FAF1: variants seen among roughly 807,000 people sequenced by gnomAD.
The protein encoded by FAF1 is FAS-associated factor 1.
FAF1 carries 25 observed loss-of-function variants against 92.5 expected under a neutral mutation model. That is an observed-to-expected ratio of 0.27 (90% CI 0.20 to 0.38). The LOEUF is 0.38. FAF1 is among the 10% of genes least tolerant of loss of function. The pLI, the probability that FAF1 is intolerant of heterozygous loss-of-function variation, is 1.00. For synonymous variants in FAF1, 234 were observed against 273.2 expected (o/e 0.86, Z 1.42); for missense variants, 636 against 793.3 (o/e 0.80, Z 2.38).
At chr1:50,510,678 A>G (rs1647123789) in intron 15 of FAF1, among the ~76,000 whole-genome samples, 1 of 152,226 alleles carries the variant, frequency 6.6e-6, no homozygotes, top group African/African-American at 2.4e-5. Context: ...CTTAAACTGT[A>G]AACACATTTC....
intron 2 of FAF1, 54 bp downstream of exon 2, chr1:50,857,875 A>G: frequency 9.0e-7 from 1 of 1,106,458 alleles, no homozygotes; most frequent in Non-Finnish European, 1.3e-6. Context: ...AATTAAAGAC[A>G]TTCAAGAATT....
At chr1:50,670,250 TTTTG>T (rs938811889) in intron 7 of FAF1, among the ~76,000 whole-genome samples, 5 of 152,252 alleles carry the variant, frequency 3.3e-5, no homozygotes, top group Admixed American at 1.3e-4. Flanking sequence ...TTTTGTATTT[TTTTG>T]TTTGTTTGTT....
At chr1:50,954,486 G>C (rs577103419) in intron 1 of FAF1, among the ~76,000 whole-genome samples, 52 of 150,842 alleles carry the variant, frequency 3.4e-4, no homozygotes, top group Non-Finnish European at 6.0e-4. Flanking sequence ...GACCAGCCTG[G>C]AAAACGTAAC....
chr1:50,892,224 G>A (rs928408614), intron 1 of FAF1, among the ~76,000 whole-genome samples: 67 of 152,172 alleles, frequency 4.4e-4, no homozygotes, highest in Non-Finnish European at 2.1e-4. Flanking sequence ...GTATTAGGGT[G>A]GGAGTGACCC....
chr1:50,764,128 A>G (rs1276904000), intron 4 of FAF1, among the ~76,000 whole-genome samples: 1 of 152,066 alleles, frequency 6.6e-6, no homozygotes, highest in Non-Finnish European at 1.5e-5. Context: ...CTGAAAAATT[A>G]TTTTTCATTA....
At chr1:50,633,167 C>T (rs1029910059) in intron 8 of FAF1, among the ~76,000 whole-genome samples, 1 of 152,170 alleles carries the variant, frequency 6.6e-6, no homozygotes, top group African/African-American at 2.4e-5. Context: ...TTGGATGGAA[C>T]AGCCAGCAGG....
chr1:50,771,659 G>A (rs555713419), intron 4 of FAF1, among the ~76,000 whole-genome samples: 1 of 152,118 alleles, frequency 6.6e-6, no homozygotes, highest in African/African-American at 2.4e-5. Context: ...CCAGCACTTT[G>A]GGAGGCCGAG....
At chr1:50,612,247 C>T (rs1216294929) in intron 8 of FAF1, 1 of 492,138 alleles carries the variant, frequency 2.0e-6, no homozygotes, top group African/African-American at 2.1e-5. Context: ...CTTATCAAAA[C>T]AAGCCCTTTG....
intron 8 of FAF1, among the ~76,000 whole-genome samples, chr1:50,649,629 T>C (rs924519092): frequency 2.0e-5 from 3 of 151,882 alleles, no homozygotes; most frequent in South Asian, 2.1e-4. Context: ...ATGACAGAAA[T>C]ACAGAAGAGC....
At chr1:50,951,901 G>T (rs1645216805) in intron 1 of FAF1, among the ~76,000 whole-genome samples, 1 of 152,138 alleles carries the variant, frequency 6.6e-6, no homozygotes, top group South Asian at 2.1e-4. Flanking sequence ...AACTAAAAAA[G>T]AAAGAAGTGG....
At chr1:50,455,419 A>G (rs906788216) in intron 18 of FAF1, among the ~76,000 whole-genome samples, 8 of 152,232 alleles carry the variant, frequency 5.3e-5, no homozygotes, top group African/African-American at 1.7e-4. Flanking sequence ...TGGCTTATAG[A>G]AGCCTCCAGC....
chr1:50,755,889 C>G (rs1466829908), intron 4 of FAF1, among the ~76,000 whole-genome samples: 1 of 152,214 alleles, frequency 6.6e-6, no homozygotes, highest in Admixed American at 6.5e-5. Flanking sequence ...AGCTGGGATG[C>G]AAGGCACCAA....
At chr1:50,491,689 TC>T in intron 16 of FAF1, 31 bp downstream of exon 16, 1 of 1,507,152 alleles carries the variant, frequency 6.6e-7, no homozygotes. Context: ...ACAATTGAGT[TC>T]TTTATCCCAG....
chr1:50,922,116 G>A (rs1161304940), intron 1 of FAF1, among the ~76,000 whole-genome samples: 1 of 148,226 alleles, frequency 6.7e-6, no homozygotes, highest in Admixed American at 6.9e-5. Context: ...GCAGTGAGCT[G>A]AGATCACATC....
intron 1 of FAF1, among the ~76,000 whole-genome samples, chr1:50,947,204 G>A (rs1368504744): frequency 1.3e-5 from 2 of 152,142 alleles, no homozygotes. Flanking sequence ...TAGGGAAAAA[G>A]AGGATGGGGA....
intron 6 of FAF1, chr1:50,714,935 T>A: frequency 2.6e-6 from 1 of 390,778 alleles, no homozygotes; most frequent in South Asian, 2.0e-5. Context: ...TATATACACA[T>A]CCAAATTTGA....
chr1:50,828,775 C>G (rs1644127850), intron 2 of FAF1, among the ~76,000 whole-genome samples: 1 of 151,946 alleles, frequency 6.6e-6, no homozygotes, highest in African/African-American at 2.4e-5. Context: ...AAACAGGATC[C>G]AAAAGAACAA....
chr1:50,825,575 G>C (rs1221640158), intron 2 of FAF1, among the ~76,000 whole-genome samples: 1 of 151,690 alleles, frequency 6.6e-6, no homozygotes, highest in East Asian at 1.9e-4. Flanking sequence ...TAATCATAGG[G>C]GAGATTTTAA....
intron 15 of FAF1, among the ~76,000 whole-genome samples, chr1:50,529,880 A>T (rs1193341946): frequency 1.3e-5 from 2 of 152,164 alleles, no homozygotes; most frequent in African/African-American, 4.8e-5. Flanking sequence ...TGAATACATA[A>T]ATCAAAGTGA....
Sources: gnomAD v4.1 joint callset for allele counts (sites outside exome capture counted in the v4.1 genomes callset) on GRCh38, gnomAD v4.1.1 for gene constraint, MANE v1.5 for transcripts, NCBI Gene and HGNC (gene_info 2026-07-23, HGNC 2026-07-21) for gene names.